JPH2: variants seen among roughly 807,000 people sequenced by gnomAD.
JPH2 encodes junctophilin-2.
A neutral mutation model predicts 55.9 loss-of-function variants in JPH2; 38 were observed. The observed-to-expected ratio is 0.68, with a 90% CI of 0.52 to 0.89. The LOEUF (loss-of-function observed/expected upper bound fraction) is 0.89. Among genes scored for constraint, JPH2 ranks in the 40% least tolerant of loss-of-function variants. JPH2 has a pLI of 0.00. For missense variants in JPH2, 964 were observed against 1,037.6 expected (o/e 0.93, Z 0.97); for synonymous variants, 480 against 472.4 (o/e 1.02, Z -0.21).
chr20:44,111,147 C>A lies in JPH2; in HGVS notation c.*2371G>T, dbSNP rs1407947830. 6.6e-6 allele frequency among the ~76,000 whole-genome samples: 1 copy of A among 152,226 alleles called. No individual in the cohort carries two copies. The highest frequency in any genetic ancestry group is 1.5e-5 in the Non-Finnish European group (1 of 68,048). On this transcript the variant is annotated 3_prime_UTR_variant, in exon 6 of 6. Transcript: ENST00000372980. ...GTGGCGATCCCCTCAGGCTCCCCCACTGATTGAGATATTCTGACTAAACAA... is the reference window on the plus strand; with the variant it reads ...GTGGCGATCCCCTCAGGCTCCCCCAATGATTGAGATATTCTGACTAAACAA...
Position 44,160,441 on chromosome 20 carries a change from C to T in JPH2, c.380-34G>A, listed in dbSNP as rs746329738. ...GAGGAGAGGGCGCGTCAGTAGGCGGCACGACGGGTCCCCGCGTGTGCACGG... is the reference window on the plus strand; with the variant it reads ...GAGGAGAGGGCGCGTCAGTAGGCGGTACGACGGGTCCCCGCGTGTGCACGG... On this transcript the variant is annotated intron_variant, in intron 1 of 5. Coordinates refer to ENST00000372980, the MANE Select transcript of JPH2 (RefSeq NM_020433.5). The surrounding 1 kb of genome is among the most constrained non-coding windows in gnomAD (Gnocchi z 4.9). 8 of 1,598,726 alleles carry T rather than the reference C, an allele frequency of 5.0e-6. No homozygotes were observed. The highest frequency in any genetic ancestry group is 6.8e-6 in the Non-Finnish European group (8 of 1,174,082).
At chr20:44,175,183 C>T (rs1050987500) in intron 1 of JPH2, among the ~76,000 whole-genome samples, 4 of 152,146 alleles carry the variant, frequency 2.6e-5, no homozygotes. Context: ...CACAAATAGA[C>T]TAAAAGATTA....
At chr20:44,158,809 T>G (rs1216838520) in intron 2 of JPH2, among the ~76,000 whole-genome samples, 1 of 152,120 alleles carries the variant, frequency 6.6e-6, no homozygotes, top group Non-Finnish European at 1.5e-5. Context: ...GTTGTTTTAA[T>G]GAACAGAAGT....
Position 44,186,399 on chromosome 20 carries a change from C to T in JPH2, c.307G>A (p.Gly103Ser), listed in dbSNP as rs530754608. 3 of 1,613,782 alleles carry T rather than the reference C, an allele frequency of 1.9e-6. No individual in the cohort carries two copies. The highest frequency in any genetic ancestry group is 1.3e-5 in the African/African-American group (1 of 74,996). The change falls in exon 1 of 6, where the codon GGT becomes AGT. Residue 103 changes from glycine (G) to serine (S), a missense_variant. Transcript: ENST00000372980. ...RYGIRQSSSSGAKYEGTWNNG... is the reference protein window; with the variant it reads ...RYGIRQSSSSSAKYEGTWNNG... ...TTCCAGGTGCCCTCATACTTGGCACCGCTGCTTGAGCTCTGCCGGATTCCG... is the reference window on the plus strand; with the variant it reads ...TTCCAGGTGCCCTCATACTTGGCACTGCTGCTTGAGCTCTGCCGGATTCCG...
intron 2 of JPH2, among the ~76,000 whole-genome samples, chr20:44,141,789 A>G (rs912334861): frequency 2.0e-5 from 3 of 152,176 alleles, no homozygotes; most frequent in African/African-American, 7.2e-5. Context: ...GATTACAGGC[A>G]GGAGCCACCA....
At chr20:44,134,316 T>TATATATA (rs1408490604) in intron 2 of JPH2, among the ~76,000 whole-genome samples, 2 of 3,574 alleles carry the variant, frequency 5.6e-4, no homozygotes, top group South Asian at 0.016. Flanking sequence ...ATATTTATTA[T>TATATATA]AAATATATAA....
intron 1 of JPH2, chr20:44,178,051 T>A (rs2072749382): frequency 5.1e-6 from 4 of 789,072 alleles, no homozygotes; most frequent in Admixed American, 1.7e-5. Flanking sequence ...CCGGCACAGC[T>A]GGGATTTGAA....
At chr20:44,177,910 T>C (rs1384811766) in intron 1 of JPH2, 1 of 1,495,884 alleles carries the variant, frequency 6.7e-7, no homozygotes, top group African/African-American at 1.4e-5. Context: ...GGCATGATGC[T>C]CAGTGCTTCA....
intron 2 of JPH2, among the ~76,000 whole-genome samples, chr20:44,125,091 G>A (rs953017039): frequency 1.3e-5 from 2 of 149,436 alleles, no homozygotes; most frequent in Non-Finnish European, 3.0e-5. Flanking sequence ...TCCAGCCTGG[G>A]TGACAGAGTG....
chr20:44,183,593 T>C (rs2072805181), intron 1 of JPH2, among the ~76,000 whole-genome samples: 1 of 152,176 alleles, frequency 6.6e-6, no homozygotes, highest in Non-Finnish European at 1.5e-5. Context: ...AGCTGATGCC[T>C]TTTCCTGCCC....
At chr20:44,180,048 C>T (rs1466147065) in intron 1 of JPH2, among the ~76,000 whole-genome samples, 1 of 152,150 alleles carries the variant, frequency 6.6e-6, no homozygotes, top group Non-Finnish European at 1.5e-5. Flanking sequence ...GGTGAAATCC[C>T]GTCTCTACTA....
intron 1 of JPH2, among the ~76,000 whole-genome samples, chr20:44,171,599 CT>C (rs2072699022): frequency 6.6e-6 from 1 of 152,158 alleles, no homozygotes; most frequent in Admixed American, 6.5e-5. Flanking sequence ...GTGCTCCAGC[CT>C]TTTCTGGAAC....
In JPH2 at chr20:44,107,369, T is replaced by A. The variant is rs1458972838; in HGVS notation, c.*6149A>T. Among the ~76,000 whole-genome samples the A allele has an allele frequency of 6.6e-6, 1 of 152,078 alleles. No homozygotes were observed. On this transcript the variant is annotated 3_prime_UTR_variant, in exon 6 of 6. Transcript: ENST00000372980. ...TACCAAAACCCACATCCTTCTCTTC[T>A]CCCTGAGGACACATGTAGTCCGTAT...
At chr20:44,130,124 C>T (rs2072307297) in intron 2 of JPH2, among the ~76,000 whole-genome samples, 1 of 152,154 alleles carries the variant, frequency 6.6e-6, no homozygotes, top group Admixed American at 6.6e-5. Context: ...CAAGATGATG[C>T]ACTTTACAGC....
rs1341366186 is a variant in JPH2 at position 44,134,135 on chromosome 20, T to C, written c.1170-15512A>G. Among the ~76,000 whole-genome samples the C allele has an allele frequency of 2.2e-4, 4 of 18,380 alleles. 2 individuals are homozygous for C. Among genetic ancestry groups the C allele is most frequent in the African/African-American group, 1.0e-3 (4 of 3,830 alleles). The allele number at this position is 18,380 out of a possible 152,430, so 12.1% of individuals were successfully genotyped here. On this transcript the variant is annotated intron_variant, in intron 2 of 5. Transcript: ENST00000372980. ...TATAAATAAATATTTATTATAAATA[T>C]ATAAATAAATATTTATTATAAATAT...
At chr20:44,153,552 G>A (rs1041913122) in intron 2 of JPH2, among the ~76,000 whole-genome samples, 11 of 152,172 alleles carry the variant, frequency 7.2e-5, no homozygotes, top group South Asian at 2.1e-4. Flanking sequence ...GAGGTGGGGG[G>A]CTGAGGGGAT....
chr20:44,115,563 C>T, intron 4 of JPH2, 102 bp downstream of exon 4: 3 of 1,487,316 alleles, frequency 2.0e-6, no homozygotes, highest in South Asian at 1.2e-5. Context: ...TTCGGTCTCT[C>T]GCACCCCAGC....
chr20:44,108,854 C>A lies in JPH2; in HGVS notation c.*4664G>T, dbSNP rs6073330. ...GCTGTGTGATCCTTACAAATCACGA[C>A]ACTCTCTCCAGACCTGTTTCCCCAT... On this transcript the variant is annotated 3_prime_UTR_variant, in exon 6 of 6. Transcript: ENST00000372980. 0.29 allele frequency among the ~76,000 whole-genome samples: 44,591 copies of A among 151,868 alleles called. 6,849 individuals are homozygous for A. The highest frequency in any genetic ancestry group is 0.47 in the East Asian group (2,423 of 5,138).
chr20:44,120,651 A>G (rs1164005328), intron 2 of JPH2, among the ~76,000 whole-genome samples: 1 of 152,230 alleles, frequency 6.6e-6, no homozygotes, highest in South Asian at 2.1e-4. Context: ...AGTGGTGTCC[A>G]ATCTTTTGGC....
Sources: allele counts gnomAD v4.1 joint callset (sites outside exome capture counted in the v4.1 genomes callset), GRCh38; gene constraint gnomAD v4.1.1; non-coding constraint Gnocchi (gnomAD v3.1); transcripts MANE v1.5; gene names NCBI Gene and HGNC (gene_info 2026-07-23, HGNC 2026-07-21).